SYT13: variants seen among roughly 807,000 people sequenced by gnomAD.
SYT13 encodes the protein synaptotagmin 13.
In SYT13, 21 loss-of-function variants were observed where a neutral mutation model predicts 38.6. That is an observed-to-expected ratio of 0.54 (90% confidence interval 0.39 to 0.78). The LOEUF (loss-of-function observed/expected upper bound fraction) is 0.78, where lower values mean the gene tolerates loss of function less well. SYT13 is among the 30% of genes least tolerant of loss of function. The pLI, the probability that SYT13 is intolerant of heterozygous loss-of-function variation, is 0.00. For synonymous variants in SYT13, 241 were observed against 237.6 expected, an observed-to-expected ratio of 1.01 and a Z score of -0.13; for missense variants, 495 against 548.7, an observed-to-expected ratio of 0.90 and a Z score of 0.98.
chr11:45,280,980 A>T (rs1468002435), intron 1 of SYT13, among the ~76,000 whole-genome samples: 2 of 152,176 alleles, frequency 1.3e-5, no homozygotes, highest in Non-Finnish European at 2.9e-5. Context: ...GGATCACCTG[A>T]GGTCAGGAGT....
intron 1 of SYT13, among the ~76,000 whole-genome samples, chr11:45,279,555 C>G (rs1405460726): frequency 6.6e-6 from 1 of 152,168 alleles, no homozygotes; most frequent in Non-Finnish European, 1.5e-5. Context: ...CCACTGCACT[C>G]CAGCCTGGGT....
At chr11:45,269,748 C>T (rs1854926981) in intron 1 of SYT13, among the ~76,000 whole-genome samples, 1 of 152,204 alleles carries the variant, frequency 6.6e-6, no homozygotes, top group Admixed American at 6.5e-5. Flanking sequence ...TGCTACTAAC[C>T]TGTATACTAT....
At position 45,285,602 on chromosome 11, in the gene SYT13, C is replaced by T. The variant is rs114250111; in HGVS notation, c.183+423G>A. 6.8e-3 allele frequency among the ~76,000 whole-genome samples: 1,034 copies of T among 152,258 alleles called. 15 individuals are homozygous for T. The highest frequency in any genetic ancestry group is 0.024 in the African/African-American group (992 of 41,552). On this transcript the variant is annotated intron_variant, in intron 1 of 5. Transcript: ENST00000020926. ...ACCACCCATCTCCCTCTCACAGACC[C>T]CAGTCTTCTTCCCAATTCTGCAAAC...
At position 45,252,865 on chromosome 11, in the gene SYT13, G is replaced by A. The variant is rs1417788841; in HGVS notation, c.545-143C>T. On this transcript the variant is annotated intron_variant, in intron 3 of 5. Coordinates refer to ENST00000020926, the MANE Select transcript of SYT13 (RefSeq NM_020826.3). The surrounding 1 kb of genome is among the most constrained non-coding windows in gnomAD (Gnocchi z 4.3). ...AAAGGCTGACCACCCTGGGCACCAG[G>A]GAATCGCCTTTCAGTGAGACATTTA... is the stretch of plus-strand genomic sequence containing the variant. The A allele has an allele frequency of 2.6e-6, 2 of 760,046 alleles. No homozygotes were observed. The highest frequency in any genetic ancestry group is 2.0e-6 in the Non-Finnish European group (1 of 502,840). 47.1% of individuals were successfully genotyped at this position (760,046 alleles called of 1,614,324 possible). A position where few individuals can be genotyped will look rare whatever the true frequency, so the allele number is the denominator to read the frequency against.
At chr11:45,256,805 G>C (rs973426169) in intron 1 of SYT13, among the ~76,000 whole-genome samples, 1 of 152,194 alleles carries the variant, frequency 6.6e-6, no homozygotes, top group African/African-American at 2.4e-5. Context: ...CAGCAGAGCA[G>C]TCCCCATCGG....
rs779510856 is a variant in SYT13, at chr11:45,286,218, C to A, written c.-11G>T. On this transcript the variant is annotated 5_prime_UTR_variant, in exon 1 of 6. Coordinates refer to ENST00000020926, the MANE Select transcript of SYT13 (RefSeq NM_020826.3). ...CACCGACAGCACCATGGTGCCCGCT[C>A]CCGGCGAGGGGCTGGGTCCCGCAGC... The A allele has an allele frequency of 6.5e-7, 1 of 1,536,720 alleles. No individual in the cohort carries two copies.
In SYT13 at chr11:45,242,432, G is replaced by A. The variant is rs866517020; in HGVS notation, c.*1620C>T. 10 of 152,174 alleles carry A rather than the reference G, an allele frequency of 6.6e-5. No homozygotes were observed. Among genetic ancestry groups the A allele is most frequent in the African/African-American group, 2.2e-4 (9 of 41,448 alleles). 9.4% of individuals were successfully genotyped at this position (152,174 alleles called of 1,614,324 possible). On this transcript the variant is annotated 3_prime_UTR_variant, in exon 6 of 6. Coordinates refer to ENST00000020926, the MANE Select transcript of SYT13 (RefSeq NM_020826.3). Reference sequence around the variant, plus strand: ...AAAAGTACAAAAATTAGCCAGGCATGTTGGTGGGCACCTGTAATCCCAGCT... The same window carrying A: ...AAAAGTACAAAAATTAGCCAGGCATATTGGTGGGCACCTGTAATCCCAGCT...
At chr11:45,266,236 C>T (rs1483682780) in intron 1 of SYT13, among the ~76,000 whole-genome samples, 1 of 152,098 alleles carries the variant, frequency 6.6e-6, no homozygotes, top group Admixed American at 6.5e-5. Context: ...GGTCTCTAAA[C>T]CAGTATTTCT....
At chr11:45,273,138 G>A (rs1256427812) in intron 1 of SYT13, among the ~76,000 whole-genome samples, 2 of 152,182 alleles carry the variant, frequency 1.3e-5, no homozygotes, top group African/African-American at 4.8e-5. Context: ...GAGGGTTAAG[G>A]AAAGCAACAA....
rs746582215 is a variant in SYT13, at chr11:45,255,694, T to A, written c.381A>T (p.Thr127=). The A allele has an allele frequency of 1.8e-5, 29 of 1,614,032 alleles. No homozygotes were observed. The highest frequency in any genetic ancestry group is 1.9e-5 in the Non-Finnish European group (23 of 1,180,032). The change falls in exon 2 of 6, where the codon ACA becomes ACT. Residue 127 remains threonine, a synonymous_variant. Transcript: ENST00000020926. ...PNDSRLKRQV[T]EELFILPQNG... The stretch of plus-strand genomic sequence containing the variant: ...TCTGAGGGAGGATGAACAGCTCCTC[T>A]GTGACCTGCCTCTTGAGGCGACTGT...
intron 1 of SYT13, among the ~76,000 whole-genome samples, chr11:45,276,527 T>A (rs1276479290): frequency 6.6e-6 from 1 of 152,026 alleles, no homozygotes; most frequent in Non-Finnish European, 1.5e-5. Flanking sequence ...CACATGTATA[T>A]CTATGTAACA....
chr11:45,252,283 C>T lies in SYT13; in HGVS notation c.846+138G>A. 9.5e-7 allele frequency: 1 copy of T among 1,055,900 alleles called. No individual in the cohort carries two copies. Among genetic ancestry groups the T allele is most frequent in the Non-Finnish European group, 1.4e-6 (1 of 738,642 alleles). The allele number at this position is 1,055,900 out of a possible 1,614,324, so 65.4% of individuals were successfully genotyped here. A position where few individuals can be genotyped will look rare whatever the true frequency, so the allele number is the denominator to read the frequency against. On this transcript the variant is annotated intron_variant, in intron 4 of 5. Transcript: ENST00000020926. This position sits in a 1 kb window ranked among gnomAD's most constrained non-coding sequence, Gnocchi z 4.3. ...CTAGCCCTCTGCCCCATTCAAGATT[C>T]CAACCTCCCTTCCAGCCCCAAGCCA...
chr11:45,247,666 C>T (rs1161878522), intron 4 of SYT13, among the ~76,000 whole-genome samples: 1 of 152,178 alleles, frequency 6.6e-6, no homozygotes, highest in Non-Finnish European at 1.5e-5. Flanking sequence ...GGACCAGGCA[C>T]TCAGAAGGGT....
chr11:45,285,738 C>A, intron 1 of SYT13: 1 of 658,374 alleles, frequency 1.5e-6, no homozygotes, highest in South Asian at 1.6e-5. Context: ...GTCCCCTTTC[C>A]TGTCCCCTCC....
At chr11:45,266,304 G>C (rs1362176700) in intron 1 of SYT13, among the ~76,000 whole-genome samples, 1 of 152,140 alleles carries the variant, frequency 6.6e-6, no homozygotes, top group Non-Finnish European at 1.5e-5. Flanking sequence ...CTAGGGAAGA[G>C]GAAGCAGTCA....
chr11:45,265,623 G>A (rs916402167), intron 1 of SYT13, among the ~76,000 whole-genome samples: 2 of 152,156 alleles, frequency 1.3e-5, no homozygotes, highest in African/African-American at 4.8e-5. Context: ...ATCCTCACAT[G>A]GTTGAGAGCA....
chr11:45,248,720 G>A (rs887709846), intron 4 of SYT13, among the ~76,000 whole-genome samples: 14 of 152,160 alleles, frequency 9.2e-5, no homozygotes, highest in African/African-American at 2.9e-4. Context: ...CAGGTAGCCC[G>A]GGCTATAGCC....
chr11:45,249,478 T>C (rs1203666212), intron 4 of SYT13, among the ~76,000 whole-genome samples: 3 of 152,140 alleles, frequency 2.0e-5, no homozygotes, highest in Non-Finnish European at 4.4e-5. Context: ...CTATTCACAA[T>C]AGCAGACTTG....
At chr11:45,245,902 T>C (rs955670153) in intron 5 of SYT13, among the ~76,000 whole-genome samples, 3 of 152,146 alleles carry the variant, frequency 2.0e-5, no homozygotes, top group Non-Finnish European at 2.9e-5. Flanking sequence ...CTGGGGTGGG[T>C]GGCAGGAGTG....
Sources: allele counts gnomAD v4.1 joint callset (sites outside exome capture counted in the v4.1 genomes callset), GRCh38; gene constraint gnomAD v4.1.1; non-coding constraint Gnocchi (gnomAD v3.1); transcripts MANE v1.5; gene names NCBI Gene and HGNC (gene_info 2026-07-23, HGNC 2026-07-21).